The following IL1RAPL2 variants were observed in gnomAD, a reference collection of about 807,000 sequenced individuals.
The protein encoded by IL1RAPL2 is X-linked interleukin-1 receptor accessory protein-like 2.
A neutral mutation model predicts 44.1 loss-of-function variants in IL1RAPL2; 3 were observed. The observed-to-expected ratio is 0.07, with a 90% CI of 0.03 to 0.18. The LOEUF (loss-of-function observed/expected upper bound fraction) is 0.18, where lower values mean the gene tolerates loss of function less well. Ranked by LOEUF, IL1RAPL2 falls within the 10% of genes least tolerant of loss-of-function variation. The pLI is 1.00. For missense variants in IL1RAPL2, 391 were observed against 496.4 expected (o/e 0.79, Z 2.02); for synonymous variants, 181 against 178.8 (o/e 1.01, Z -0.10).
rs370103426 is a variant in IL1RAPL2, at chrX:104,866,960, A to G, written c.82+207965A>G. 8.1e-5 allele frequency among the ~76,000 whole-genome samples: 9 copies of G among 111,051 alleles called. No homozygotes were observed. The East Asian group carries it at 2.3e-3, about 28-fold the overall frequency. ...CTCACTTTTTGTAAACTTTGTAAAC[A>G]CTACCCAAGAAGATTCTAGAAGCCA... On this transcript the variant is annotated intron_variant, in intron 2 of 10. Coordinates refer to ENST00000372582, the MANE Select transcript of IL1RAPL2 (RefSeq NM_017416.2).
At chrX:105,384,949 T>C (rs2035465385) in intron 5 of IL1RAPL2, among the ~76,000 whole-genome samples, 1 of 111,772 alleles carries the variant, frequency 8.9e-6, no homozygotes, top group Admixed American at 9.5e-5. Context: ...TGTATGTTGA[T>C]TTTGTTTCCC....
intron 2 of IL1RAPL2, among the ~76,000 whole-genome samples, chrX:104,986,813 A>T (rs2030569515): frequency 8.9e-6 from 1 of 112,138 alleles, no homozygotes; most frequent in Non-Finnish European, 1.9e-5. Context: ...AAGTTGAATA[A>T]ATTGCCTGGG....
chrX:105,626,347 A>G, intron 6 of IL1RAPL2, among the ~76,000 whole-genome samples: 1 of 111,467 alleles, frequency 9.0e-6, no homozygotes, highest in Middle Eastern at 4.6e-3. Context: ...AGTTGGAAGA[A>G]GGTCAACAAC....
At chrX:105,036,760 G>C (rs1354441014) in intron 2 of IL1RAPL2, among the ~76,000 whole-genome samples, 2 of 111,510 alleles carry the variant, frequency 1.8e-5, no homozygotes, top group African/African-American at 6.5e-5. Context: ...TTATGGCATT[G>C]AATTTAAACT....
At chrX:105,219,329 A>T (rs1264114395) in intron 3 of IL1RAPL2, 2 of 1,209,200 alleles carry the variant, frequency 1.7e-6, no homozygotes, top group African/African-American at 3.5e-5. Flanking sequence ...AGAGGTTCTG[A>T]TGAGGCTCTG....
At position 104,950,563 on chromosome X, in the gene IL1RAPL2, C is replaced by T. The variant is rs1391115010; in HGVS notation, c.83-244912C>T. On this transcript the variant is annotated intron_variant, in intron 2 of 10. Transcript: ENST00000372582. ...GCCTGGGCAGTGACGGGCGCCCCTC[C>T]CCCAGCCTGGCTGCCGCCTTGCAGT... 7.1e-5 allele frequency among the ~76,000 whole-genome samples: 8 copies of T among 112,636 alleles called. No individual in the cohort carries two copies. In the Admixed American group the frequency reaches 7.5e-4, roughly 10 times the overall value.
At chrX:104,894,914 G>T (rs374326512) in intron 2 of IL1RAPL2, among the ~76,000 whole-genome samples, 12 of 111,957 alleles carry the variant, frequency 1.1e-4, no homozygotes, top group Admixed American at 4.7e-4. Flanking sequence ...CATCTTTGTG[G>T]TTTTATCTAC....
intron 6 of IL1RAPL2, among the ~76,000 whole-genome samples, chrX:105,661,736 C>T (rs1208369312): frequency 8.9e-6 from 1 of 112,246 alleles, no homozygotes; most frequent in Non-Finnish European, 1.9e-5. Flanking sequence ...TAGCTTACTA[C>T]TTTCAAAAGA....
At chrX:105,255,190 A>AT (rs914683197) in intron 4 of IL1RAPL2, among the ~76,000 whole-genome samples, 14 of 111,266 alleles carry the variant, frequency 1.3e-4, no homozygotes, top group African/African-American at 3.6e-4. Flanking sequence ...ATGTTTTTCC[A>AT]TTTTTTTGCA....
intron 6 of IL1RAPL2, among the ~76,000 whole-genome samples, chrX:105,698,089 A>C (rs908676632): frequency 3.6e-5 from 4 of 111,666 alleles, no homozygotes; most frequent in African/African-American, 1.3e-4. Flanking sequence ...GACTGACTCC[A>C]AGTGTTGCTT....
chrX:104,790,072 AT>A (rs1203446813), intron 2 of IL1RAPL2, among the ~76,000 whole-genome samples: 1 of 112,217 alleles, frequency 8.9e-6, no homozygotes, highest in African/African-American at 3.2e-5. Flanking sequence ...ACTCTGCAGA[AT>A]TTTTATGGTG....
intron 2 of IL1RAPL2, among the ~76,000 whole-genome samples, chrX:105,175,808 A>G (rs2033467275): frequency 9.0e-6 from 1 of 111,244 alleles, no homozygotes; most frequent in Non-Finnish European, 1.9e-5. Context: ...GTTATTAACT[A>G]TATTTATTAG....
chrX:105,557,635 T>A (rs186816036), intron 6 of IL1RAPL2, among the ~76,000 whole-genome samples: 29 of 111,412 alleles, frequency 2.6e-4, no homozygotes, highest in African/African-American at 9.4e-4. Flanking sequence ...CTCCCTTCCT[T>A]ATTCCATCCT....
chrX:105,200,748 C>T (rs2033709477), intron 3 of IL1RAPL2, among the ~76,000 whole-genome samples: 1 of 111,280 alleles, frequency 9.0e-6, no homozygotes, highest in Non-Finnish European at 1.9e-5. Context: ...CCGGTCTCTA[C>T]TAAAAATACA....
intron 1 of IL1RAPL2, among the ~76,000 whole-genome samples, chrX:104,655,051 T>A (rs1930228597): frequency 8.9e-6 from 1 of 111,970 alleles, no homozygotes; most frequent in Non-Finnish European, 1.9e-5. Flanking sequence ...TGAAGTTGCT[T>A]ATCAGCTTAA....
At chrX:105,246,044 G>T (rs2034216478) in intron 4 of IL1RAPL2, among the ~76,000 whole-genome samples, 2 of 112,344 alleles carry the variant, frequency 1.8e-5, no homozygotes, top group South Asian at 7.3e-4. Flanking sequence ...TAGGAACTGG[G>T]AATACTGAAC....
intron 5 of IL1RAPL2, among the ~76,000 whole-genome samples, chrX:105,297,404 C>T (rs1052062620): frequency 1.3e-4 from 14 of 111,777 alleles, no homozygotes; most frequent in African/African-American, 3.9e-4. Flanking sequence ...TTTCACACTG[C>T]TATAAAGATA....
chrX:104,853,097 T>C (rs1229060375), intron 2 of IL1RAPL2, among the ~76,000 whole-genome samples: 7 of 112,083 alleles, frequency 6.2e-5, no homozygotes, highest in Admixed American at 1.9e-4. Context: ...TTAAATGTAA[T>C]TTAAGTCAAA....
In IL1RAPL2 at chrX:105,686,937, C is replaced by T. The variant is rs144114955; in HGVS notation, c.773-30430C>T. Among the ~76,000 whole-genome samples the T allele has an allele frequency of 9.8e-3, 1,097 of 111,964 alleles. 22 individuals are homozygous for T. The highest frequency in any genetic ancestry group is 0.034 in the African/African-American group (1,042 of 30,825). The stretch of plus-strand genomic sequence containing the variant: ...AAGAAACTCACTCAAAACCACTCAA[C>T]TACATGGAAACTGAACAACCTGCTC... On this transcript the variant is annotated intron_variant, in intron 6 of 10. Coordinates refer to ENST00000372582, the MANE Select transcript of IL1RAPL2 (RefSeq NM_017416.2).
Sources: allele counts gnomAD v4.1 joint callset (sites outside exome capture counted in the v4.1 genomes callset), GRCh38; gene constraint gnomAD v4.1.1; transcripts MANE v1.5; gene names NCBI Gene and HGNC (gene_info 2026-07-23, HGNC 2026-07-21).